The following ZNF37A variants were observed in gnomAD, a reference collection of about 807,000 sequenced individuals.
ZNF37A encodes the protein zinc finger protein 37A.
ZNF37A carries 10 observed loss-of-function variants against 12.3 expected under a neutral mutation model. That is an observed-to-expected ratio of 0.82 (90% confidence interval 0.50 to 1.38). The LOEUF (loss-of-function observed/expected upper bound fraction) is 1.38, where lower values mean the gene tolerates loss of function less well. ZNF37A is among the 40% of genes most tolerant of loss of function. The probability of loss-of-function intolerance (pLI) is 0.00; values close to 1 mark genes in which losing one functional copy is unlikely to be tolerated. For missense variants in ZNF37A, 580 were observed against 651.2 expected (o/e 0.89, Z 1.19); for synonymous variants, 207 against 223.0 (o/e 0.93, Z 0.64).
At position 38,123,169 on chromosome 10, in the gene ZNF37A, T is replaced by G. The variant is rs2069812891; in HGVS notation, c.*4332T>G. 1 of 152,124 alleles carries G rather than the reference T, an allele frequency of 6.6e-6. No individual in the cohort carries two copies. The highest frequency in any genetic ancestry group is 2.1e-4 in the South Asian group (1 of 4,826). The allele number at this position is 152,124 out of a possible 1,614,324, so 9.4% of individuals were successfully genotyped here. A position where few individuals can be genotyped will look rare whatever the true frequency, so the allele number is the denominator to read the frequency against. On this transcript the variant is annotated 3_prime_UTR_variant, in exon 8 of 8. Transcript: ENST00000685332. ...GGAAGTGCCACACAACCAGATCTTG[T>G]GAGTACTCAGATTTTGTGAGGGGTG...
intron 5 of ZNF37A, among the ~76,000 whole-genome samples, chr10:38,098,569 G>C (rs2067325883): frequency 6.6e-6 from 1 of 152,258 alleles, no homozygotes; most frequent in African/African-American, 2.4e-5. Flanking sequence ...ATGAATGTAA[G>C]ATTTTTTTCC....
chr10:38,119,189 G>T lies in ZNF37A; in HGVS notation c.*352G>T. On this transcript the variant is annotated 3_prime_UTR_variant, in exon 8 of 8. Transcript: ENST00000685332. ...TTTCTGCTACTACTACAGTTTCACA[G>T]AATACCTGAGAAGACACACTTGGAG... is the stretch of plus-strand genomic sequence containing the variant. The T allele has an allele frequency of 9.8e-7, 1 of 1,020,590 alleles. No individual in the cohort carries two copies. The allele number at this position is 1,020,590 out of a possible 1,614,324, so 63.2% of individuals were successfully genotyped here.
exon 8 of ZNF37A, chr10:38,146,890 A>G (rs1217950218): frequency 7.6e-6 from 3 of 396,182 alleles, no homozygotes; most frequent in Non-Finnish European, 8.9e-6. Context: ...CAGCCTTCAG[A>G]GATGAGAGCC....
chr10:38,111,600 T>C (rs1194926123), intron 5 of ZNF37A, among the ~76,000 whole-genome samples: 2 of 152,194 alleles, frequency 1.3e-5, no homozygotes, highest in African/African-American at 4.8e-5. Flanking sequence ...ACTCTGCCAG[T>C]CTCCCATTTT....
downstream of ZNF37A, among the ~76,000 whole-genome samples, chr10:38,129,319 A>AAAAAAAAAAAAAAC: frequency 8.4e-4 from 98 of 116,250 alleles, 6 homozygotes; most frequent in African/African-American, 3.1e-3. Flanking sequence ...AAAAAAAAAA[A>AAAAAAAAAAAAAAC]AAACTATTAT....
At chr10:38,109,692 C>G (rs12253640) in intron 5 of ZNF37A, among the ~76,000 whole-genome samples, 1,708 of 152,224 alleles carry the variant, frequency 0.011, 17 homozygotes, top group Middle Eastern at 0.031. Flanking sequence ...GTCCTATACA[C>G]CAATAATAGA....
In ZNF37A at chr10:38,095,752, ACAGACAGAGTCG is replaced by A. The variant is rs2135836355; in HGVS notation, c.-95_-84del. The A allele has an allele frequency of 6.6e-6, 1 of 152,358 alleles. No individual in the cohort carries two copies. Among genetic ancestry groups the A allele is most frequent in the African/African-American group, 2.4e-5 (1 of 41,574 alleles). 9.4% of individuals were successfully genotyped at this position (152,358 alleles called of 1,614,324 possible). Reference sequence around the variant, plus strand: ...ACATTTTGTTGTGGCAGAGTCAAGAACAGACAGAGTCGCTTGAGGACTCAGGAGGGTGTTTGC... The same window carrying A: ...ACATTTTGTTGTGGCAGAGTCAAGAACTTGAGGACTCAGGAGGGTGTTTGC... On this transcript the variant is annotated 5_prime_UTR_variant, in exon 4 of 8. Transcript: ENST00000685332.
chr10:38,112,738 T>C (rs185876650), intron 5 of ZNF37A, among the ~76,000 whole-genome samples: 34 of 58,846 alleles, frequency 5.8e-4, no homozygotes, highest in Non-Finnish European at 7.2e-4. Context: ...CCATTTTCTT[T>C]TCTTTTCTTT....
chr10:38,112,533 C>T (rs2068779173), intron 5 of ZNF37A, among the ~76,000 whole-genome samples: 1 of 151,204 alleles, frequency 6.6e-6, no homozygotes, highest in Middle Eastern at 3.5e-3. Context: ...TCTTGATTGC[C>T]CTCATTTCCC....
intron 7 of ZNF37A, chr10:38,143,142 C>T (rs1005707550): frequency 1.3e-5 from 2 of 151,832 alleles, no homozygotes; most frequent in African/African-American, 4.8e-5. Context: ...TGAGCACAGG[C>T]TGTAGGAGTT....
chr10:38,105,819 T>G (rs1021602041), intron 5 of ZNF37A, among the ~76,000 whole-genome samples: 1 of 152,258 alleles, frequency 6.6e-6, no homozygotes, highest in African/African-American at 2.4e-5. Flanking sequence ...AGTATTTTTT[T>G]TAAAAAAACC....
At chr10:38,105,122 C>T (rs1355481643) in intron 5 of ZNF37A, among the ~76,000 whole-genome samples, 1 of 152,004 alleles carries the variant, frequency 6.6e-6, no homozygotes, top group Non-Finnish European at 1.5e-5. Flanking sequence ...TCTCCTACCT[C>T]AGCCTCCCAA....
rs552331996 is a variant in ZNF37A at position 38,095,048 on chromosome 10, C to T, written c.-374C>T. The T allele has an allele frequency of 2.0e-5, 3 of 152,818 alleles. No homozygotes were observed. Among genetic ancestry groups the T allele is most frequent in the Admixed American group, 2.0e-4 (3 of 15,318 alleles). 9.5% of individuals were successfully genotyped at this position (152,818 alleles called of 1,614,324 possible). ...GCCGCGCACGCGGAGGGAGGCACCC[C>T]AGGCCCTCCGGCACTGTCCAGCCTC... On this transcript the variant is annotated 5_prime_UTR_variant, in exon 2 of 8. Coordinates refer to ENST00000685332, the MANE Select transcript of ZNF37A (RefSeq NM_001324250.3).
At chr10:38,129,319 A>AAAAAAAAAAAACAACAAC, downstream of ZNF37A, among the ~76,000 whole-genome samples, 1 of 116,298 alleles carries the variant, frequency 8.6e-6, no homozygotes, top group South Asian at 2.2e-4. Flanking sequence ...AAAAAAAAAA[A>AAAAAAAAAAAACAACAAC]AAACTATTAT....
chr10:38,144,195 A>C (rs1173272624), intron 7 of ZNF37A: 1 of 152,228 alleles, frequency 6.6e-6, no homozygotes, highest in East Asian at 1.9e-4. Flanking sequence ...ACTGAGATTT[A>C]CATTACTATG....
intron 5 of ZNF37A, among the ~76,000 whole-genome samples, chr10:38,114,264 C>T (rs1462480396): frequency 1.3e-5 from 2 of 152,138 alleles, no homozygotes; most frequent in African/African-American, 4.8e-5. Flanking sequence ...AGGTTTTTAA[C>T]CTTTTGTTAA....
In ZNF37A at chr10:38,115,182, T is replaced by C. The variant is rs1191818049; in HGVS notation, c.143-13T>C. ...ACCCAGTTTGTCCCAAGTAATACAA[T>C]TCTCATTCACAGGGTATTGCATTCC... On this transcript the variant is annotated splice_polypyrimidine_tract_variant and intron_variant, in intron 6 of 7. Transcript: ENST00000685332. The C allele has an allele frequency of 1.9e-6, 3 of 1,542,694 alleles. No homozygotes were observed. Among genetic ancestry groups the C allele is most frequent in the Non-Finnish European group, 2.6e-6 (3 of 1,134,412 alleles).
At chr10:38,117,066 G>A (rs1477419025) in intron 7 of ZNF37A, 8 of 576,892 alleles carry the variant, frequency 1.4e-5, no homozygotes, top group Middle Eastern at 8.6e-4. Context: ...CCGAGATCAC[G>A]TCACTACACT....
Position 38,119,207 on chromosome 10 carries a change from A to C in ZNF37A, c.*370A>C. On this transcript the variant is annotated 3_prime_UTR_variant, in exon 8 of 8. Transcript: ENST00000685332. ...TTTCACAGAATACCTGAGAAGACACACTTGGAGAAACCTTTTGGGTGTAAT... is the reference window on the plus strand; with the variant it reads ...TTTCACAGAATACCTGAGAAGACACCCTTGGAGAAACCTTTTGGGTGTAAT... 9.8e-7 allele frequency: 1 copy of C among 1,021,762 alleles called. No homozygotes were observed. Among genetic ancestry groups the C allele is most frequent in the Non-Finnish European group, 1.2e-6 (1 of 843,400 alleles). 63.3% of individuals were successfully genotyped at this position (1,021,762 alleles called of 1,614,324 possible).
Sources: allele counts gnomAD v4.1 joint callset (sites outside exome capture counted in the v4.1 genomes callset), GRCh38; gene constraint gnomAD v4.1.1; transcripts MANE v1.5; gene names NCBI Gene and HGNC (gene_info 2026-07-23, HGNC 2026-07-21).